Variants in LPCAT3 observed in about 807,000 individuals in gnomAD.
LPCAT3 encodes lysophospholipid acyltransferase 5.
Under a neutral mutation model 63.4 loss-of-function variants are expected in LPCAT3, and 21 were observed. That is an observed-to-expected ratio of 0.33 (90% CI 0.23 to 0.48). The LOEUF (loss-of-function observed/expected upper bound fraction) is 0.48. LPCAT3 is among the 20% of genes least tolerant of loss of function. The pLI is 0.99. For missense variants in LPCAT3, 451 were observed against 590.6 expected, an observed-to-expected ratio of 0.76 and a Z score of 2.45; for synonymous variants, 242 against 227.5, an observed-to-expected ratio of 1.06 and a Z score of -0.58.
chr12:7,001,501 A>C (rs968080494), intron 1 of LPCAT3: 4 of 456,148 alleles, frequency 8.8e-6, no homozygotes, highest in Non-Finnish European at 1.8e-5. Context: ...TAATAGGCAG[A>C]GTCCCCAGAT....
chr12:6,977,302 T>C lies in LPCAT3; in HGVS notation c.1348-40A>G. 6.2e-7 allele frequency: 1 copy of C among 1,610,598 alleles called. No individual in the cohort carries two copies. The highest frequency in any genetic ancestry group is 1.1e-5 in the South Asian group (1 of 91,022). ...GCCACTAAGGTAGACAGGCCTGGAGTGTCCTTTGCAACCTTTGAGGTTGCA... is the reference window on the plus strand; with the variant it reads ...GCCACTAAGGTAGACAGGCCTGGAGCGTCCTTTGCAACCTTTGAGGTTGCA... On this transcript the variant is annotated intron_variant, in intron 11 of 12. Transcript: ENST00000261407. This position sits in a 1 kb window ranked among gnomAD's most constrained non-coding sequence, Gnocchi z 4.5.
chr12:6,979,057 G>A, intron 7 of LPCAT3: 1 of 300,530 alleles, frequency 3.3e-6, no homozygotes. Flanking sequence ...CTGTTTTCAA[G>A]CCTTTCAGCT....
chr12:6,998,025 G>C (rs1308837370), intron 1 of LPCAT3, among the ~76,000 whole-genome samples: 1 of 152,080 alleles, frequency 6.6e-6, no homozygotes, highest in Non-Finnish European at 1.5e-5. Context: ...TAGTCAGTGT[G>C]TGTGTTTTGA....
chr12:6,982,968 T>G (rs1555154331), intron 2 of LPCAT3, 186 bp from the exon 3 acceptor site: 1 of 668,506 alleles, frequency 1.5e-6, no homozygotes, highest in Admixed American at 2.2e-5. Flanking sequence ...AGGGTGTTAT[T>G]TTATTTCTTT....
At chr12:6,985,174 G>A (rs1946509633) in intron 1 of LPCAT3, among the ~76,000 whole-genome samples, 1 of 149,706 alleles carries the variant, frequency 6.7e-6, no homozygotes, top group African/African-American at 2.5e-5. Flanking sequence ...GGCGGATCAT[G>A]AGGACAGGAG....
At chr12:6,979,618 A>G (rs376496578) in intron 6 of LPCAT3, 39 bp from the exon 7 acceptor site, 11 of 1,392,380 alleles carry the variant, frequency 7.9e-6, no homozygotes, top group Non-Finnish European at 1.1e-5. Flanking sequence ...CACAGAGAGC[A>G]GAGACTATTC....
chr12:6,985,370 T>C (rs1946512980), intron 1 of LPCAT3, among the ~76,000 whole-genome samples: 1 of 151,614 alleles, frequency 6.6e-6, no homozygotes, highest in Non-Finnish European at 1.5e-5. Flanking sequence ...CACTCCAGCC[T>C]GGGCGACAGA....
intron 1 of LPCAT3, among the ~76,000 whole-genome samples, chr12:6,989,599 A>G (rs1202730421): frequency 3.3e-5 from 5 of 152,004 alleles, no homozygotes; most frequent in Non-Finnish European, 7.4e-5. Flanking sequence ...TGCCCGGCCA[A>G]TGCTGTGGTC....
intron 6 of LPCAT3, chr12:6,979,997 G>T: frequency 6.4e-6 from 1 of 157,294 alleles, no homozygotes; most frequent in Non-Finnish European, 1.4e-5. Flanking sequence ...AGTTCTCAGT[G>T]AAGGAATTCT....
intron 1 of LPCAT3, among the ~76,000 whole-genome samples, chr12:7,006,742 T>A (rs1450169564): frequency 1.3e-5 from 2 of 152,218 alleles, no homozygotes; most frequent in African/African-American, 4.8e-5. Flanking sequence ...CACTTCTGAC[T>A]GAGGGATATG....
At chr12:7,005,998 T>C (rs1401969728) in intron 1 of LPCAT3, among the ~76,000 whole-genome samples, 1 of 152,180 alleles carries the variant, frequency 6.6e-6, no homozygotes, top group Non-Finnish European at 1.5e-5. Flanking sequence ...CTTGATGATC[T>C]GGGGAGAATT....
chr12:7,013,040 C>T (rs953210368), intron 1 of LPCAT3, among the ~76,000 whole-genome samples: 7 of 152,166 alleles, frequency 4.6e-5, no homozygotes. Context: ...TTTCTGTCCT[C>T]ATCTACAAAT....
intron 1 of LPCAT3, among the ~76,000 whole-genome samples, chr12:6,984,362 T>C (rs781826676): frequency 4.3e-4 from 65 of 152,338 alleles, no homozygotes; most frequent in African/African-American, 1.5e-3. Context: ...TAAAATTTGG[T>C]ATTCCTAAAC....
In LPCAT3 at chr12:7,000,738, C is replaced by T. The variant is rs1043904199; in HGVS notation, c.152-17199G>A. 2.6e-5 allele frequency among the ~76,000 whole-genome samples: 4 copies of T among 151,486 alleles called. 1 individual carries two copies. In the South Asian group the frequency reaches 8.3e-4, roughly 32 times the overall value. On this transcript the variant is annotated intron_variant, in intron 1 of 12. Transcript: ENST00000261407. ...AAAATTGAGTATTCTTTTTTTGAGA[C>T]GGCTGTCGCCCAGGCTAGAGTGCAG...
At chr12:6,979,916 A>G (rs1443300237) in intron 6 of LPCAT3, 1 of 247,082 alleles carries the variant, frequency 4.0e-6, no homozygotes, top group Non-Finnish European at 7.7e-6. Flanking sequence ...GAGGTAAGAT[A>G]ATAAAAATAA....
chr12:6,986,857 G>T, intron 1 of LPCAT3, among the ~76,000 whole-genome samples: 1 of 150,180 alleles, frequency 6.7e-6, no homozygotes. Context: ...GCTCACACCT[G>T]TAATCCCCTA....
At chr12:6,979,724 C>T in intron 6 of LPCAT3, 145 bp from the exon 7 acceptor site, 1 of 629,390 alleles carries the variant, frequency 1.6e-6, no homozygotes, top group South Asian at 1.9e-5. Context: ...CAAAGTGTTT[C>T]CTGTTTCAGG....
chr12:7,011,510 A>G (rs1311855140), intron 1 of LPCAT3, among the ~76,000 whole-genome samples: 2 of 152,020 alleles, frequency 1.3e-5, no homozygotes, highest in Non-Finnish European at 2.9e-5. Context: ...TTAGCCAGGC[A>G]TGGTGGCTCA....
chr12:7,008,989 A>G (rs1480068226), intron 1 of LPCAT3, among the ~76,000 whole-genome samples: 1 of 152,202 alleles, frequency 6.6e-6, no homozygotes, highest in Non-Finnish European at 1.5e-5. Flanking sequence ...TGTAGGCCCA[A>G]CTTTCCTATC....
Sources: allele counts gnomAD v4.1 joint callset (sites outside exome capture counted in the v4.1 genomes callset), GRCh38; gene constraint gnomAD v4.1.1; non-coding constraint Gnocchi (gnomAD v3.1); transcripts MANE v1.5; gene names NCBI Gene and HGNC (gene_info 2026-07-23, HGNC 2026-07-21).